REDIC1: variants seen among roughly 807,000 people sequenced by gnomAD.
The protein encoded by REDIC1 is HEI10 Interacting Protein 1.
chr12:39,896,421 T>TGC, the REDIC1 span, among the ~76,000 whole-genome samples: 42 of 140,598 alleles, frequency 3.0e-4, no homozygotes, highest in African/African-American at 1.2e-3. Context: ...TGTATGTATA[T>TGC]GTGTATATAT....
At chr12:39,653,558 T>TTCTTCTTCTTCTTCTTCTTCTTCTTCTTC in the REDIC1 span, among the ~76,000 whole-genome samples, 15 of 43,878 alleles carry the variant, frequency 3.4e-4, 2 homozygotes, top group Admixed American at 7.5e-4. Flanking sequence ...CTTCTTCTTC[T>TTCTTCTTCTTCTTCTTCTTCTTCTTCTTC]TTCTTCTTCT....
At chr12:39,760,477 G>A in the REDIC1 span, among the ~76,000 whole-genome samples, 1 of 151,912 alleles carries the variant, frequency 6.6e-6, no homozygotes, top group African/African-American at 2.4e-5. Flanking sequence ...AAGAATAATA[G>A]AACAGGCTCA....
At chr12:39,668,426 C>T in the REDIC1 span, among the ~76,000 whole-genome samples, 7 of 152,254 alleles carry the variant, frequency 4.6e-5, no homozygotes, top group Admixed American at 1.3e-4. Flanking sequence ...GAGTTTCTGC[C>T]GAGAGATCAG....
chr12:39,805,931 C>CA, the REDIC1 span, among the ~76,000 whole-genome samples: 1 of 152,144 alleles, frequency 6.6e-6, no homozygotes, highest in Non-Finnish European at 1.5e-5. Flanking sequence ...TTGAATCTAA[C>CA]AGCAAGAGAC....
At chr12:39,741,217 C>T in the REDIC1 span, among the ~76,000 whole-genome samples, 3 of 152,154 alleles carry the variant, frequency 2.0e-5, no homozygotes, top group Admixed American at 6.5e-5. Flanking sequence ...GAAACAATTT[C>T]GTTTGCCTTC....
At chr12:39,845,686 T>G in the REDIC1 span, among the ~76,000 whole-genome samples, 1 of 152,152 alleles carries the variant, frequency 6.6e-6, no homozygotes, top group Non-Finnish European at 1.5e-5. Flanking sequence ...TCCCCCTAGA[T>G]AGCATCATGT....
the REDIC1 span, among the ~76,000 whole-genome samples, chr12:39,682,088 TTATGTATATA>T: frequency 2.0e-5 from 3 of 152,178 alleles, no homozygotes; most frequent in African/African-American, 7.2e-5. Context: ...CTTGGTTTTA[TTATGTATATA>T]CACATTTGTA....
chr12:39,811,048 T>C, the REDIC1 span, among the ~76,000 whole-genome samples: 1 of 152,274 alleles, frequency 6.6e-6, no homozygotes, highest in Non-Finnish European at 1.5e-5. Context: ...AATGCAGTTT[T>C]CTTTGTGGGG....
chr12:39,735,220 G>A, the REDIC1 span, among the ~76,000 whole-genome samples: 2 of 152,188 alleles, frequency 1.3e-5, no homozygotes, highest in African/African-American at 2.4e-5. Flanking sequence ...AACATTGTTA[G>A]TGAAGGTCTA....
chr12:39,739,602 G>A, the REDIC1 span, among the ~76,000 whole-genome samples: 3 of 152,158 alleles, frequency 2.0e-5, no homozygotes, highest in African/African-American at 7.2e-5. Flanking sequence ...CTTTCTTGAA[G>A]TTATACTTCA....
chr12:39,906,428 A>C, the REDIC1 span, among the ~76,000 whole-genome samples: 1 of 152,264 alleles, frequency 6.6e-6, no homozygotes, highest in Middle Eastern at 3.4e-3. Context: ...ATAGATATGA[A>C]AGTCACTAGA....
the REDIC1 span, among the ~76,000 whole-genome samples, chr12:39,752,059 A>G: frequency 1.3e-5 from 2 of 152,170 alleles, no homozygotes; most frequent in Non-Finnish European, 2.9e-5. Flanking sequence ...AAAAAAAAGA[A>G]ATTTGTTGAT....
the REDIC1 span, among the ~76,000 whole-genome samples, chr12:39,839,935 G>A: frequency 6.6e-6 from 1 of 152,010 alleles, no homozygotes; most frequent in Non-Finnish European, 1.5e-5. Context: ...CTAAAAACCT[G>A]AGCATGATTG....
chr12:39,683,621 C>T, the REDIC1 span: 5 of 638,684 alleles, frequency 7.8e-6, no homozygotes, highest in Admixed American at 1.4e-4. Flanking sequence ...AGGAGCCTTA[C>T]CAGGAGTCAC....
the REDIC1 span, among the ~76,000 whole-genome samples, chr12:39,869,437 A>G: frequency 9.2e-5 from 14 of 152,204 alleles, no homozygotes; most frequent in Non-Finnish European, 1.2e-4. Context: ...CTCTCAAACC[A>G]TTGTTATATC....
At chr12:39,762,438 A>G in the REDIC1 span, among the ~76,000 whole-genome samples, 1 of 120,092 alleles carries the variant, frequency 8.3e-6, no homozygotes, top group African/African-American at 2.8e-5. Context: ...AGAAGCTTTG[A>G]CATAATGCCC....
At chr12:39,864,644 T>C in the REDIC1 span, 1 of 1,360,698 alleles carries the variant, frequency 7.3e-7, no homozygotes, top group Admixed American at 2.3e-5. Context: ...CTTCCCTTCT[T>C]ACATAAGCCT....
the REDIC1 span, among the ~76,000 whole-genome samples, chr12:39,713,079 A>T: frequency 6.8e-6 from 1 of 147,556 alleles, no homozygotes; most frequent in Non-Finnish European, 1.5e-5. Context: ...ACACGTGCAT[A>T]CGTGTATGTG....
chr12:39,712,662 T>C, the REDIC1 span, among the ~76,000 whole-genome samples: 11 of 144,358 alleles, frequency 7.6e-5, no homozygotes, highest in Non-Finnish European at 1.5e-4. Context: ...TATATATGTA[T>C]GTATACATGT....
Sources: allele counts gnomAD v4.1 joint callset (sites outside exome capture counted in the v4.1 genomes callset), GRCh38; gene constraint gnomAD v4.1.1; transcripts MANE v1.5; gene names NCBI Gene and HGNC (gene_info 2026-07-23, HGNC 2026-07-21).